The following TACR3 variants were observed in gnomAD, a reference collection of about 807,000 sequenced individuals.
TACR3 encodes the protein neuromedin-K receptor.
A neutral mutation model predicts 35.0 loss-of-function variants in TACR3; 34 were observed. The observed-to-expected ratio is 0.97, with a 90% CI of 0.74 to 1.30. TACR3 has a LOEUF of 1.30. Among genes scored for constraint, TACR3 ranks in the 50% most tolerant of loss-of-function variants. The pLI, the probability that TACR3 is intolerant of heterozygous loss-of-function variation, is 0.00. For missense variants in TACR3, 558 were observed against 591.7 expected, an observed-to-expected ratio of 0.94 and a Z score of 0.59; for synonymous variants, 233 against 221.1, an observed-to-expected ratio of 1.05 and a Z score of -0.48.
At chr4:103,686,709 T>C (rs965171359) in intron 1 of TACR3, among the ~76,000 whole-genome samples, 5 of 152,136 alleles carry the variant, frequency 3.3e-5, no homozygotes, top group Admixed American at 6.6e-5. Context: ...TCCTAGAAGT[T>C]GGACTTAGCA....
At chr4:103,591,770 C>T (rs1408842548) in intron 3 of TACR3, 87 bp from the exon 4 acceptor site, 10 of 1,223,086 alleles carry the variant, frequency 8.2e-6, no homozygotes, top group Non-Finnish European at 1.0e-5. Flanking sequence ...TCTGCCAATA[C>T]AGTTAAATAC....
intron 1 of TACR3, among the ~76,000 whole-genome samples, chr4:103,678,609 T>C (rs1351584572): frequency 6.6e-6 from 1 of 152,054 alleles, no homozygotes; most frequent in Non-Finnish European, 1.5e-5. Context: ...CAAATATGCA[T>C]TGAGTGCCAA....
intron 3 of TACR3, among the ~76,000 whole-genome samples, chr4:103,651,897 A>G (rs1238121251): frequency 2.0e-5 from 3 of 151,786 alleles, no homozygotes; most frequent in Non-Finnish European, 4.4e-5. Flanking sequence ...TGCACCTAGA[A>G]CCTGGAAAGG....
Position 103,602,866 on chromosome 4 carries a change from T to C in TACR3, c.889-11183A>G, listed in dbSNP as rs548700241. On this transcript the variant is annotated intron_variant, in intron 3 of 4. Coordinates refer to ENST00000304883, the MANE Select transcript of TACR3 (RefSeq NM_001059.3). ...GCCACTTAAGGAGGCAGTCTGCCCATTCTCAGATCTCAAGCTGCATGCTGG... is the reference window on the plus strand; with the variant it reads ...GCCACTTAAGGAGGCAGTCTGCCCACTCTCAGATCTCAAGCTGCATGCTGG... 1.3e-4 allele frequency among the ~76,000 whole-genome samples: 20 copies of C among 152,322 alleles called. 1 individual carries two copies. The highest frequency in any genetic ancestry group is 4.8e-4 in the African/African-American group (20 of 41,580).
chr4:103,708,024 C>T (rs1406540254), intron 1 of TACR3, among the ~76,000 whole-genome samples: 1 of 152,160 alleles, frequency 6.6e-6, no homozygotes, highest in Non-Finnish European at 1.5e-5. Context: ...TGGGTGGAGC[C>T]CACTGCAGCT....
At chr4:103,714,370 G>A (rs949031482) in intron 1 of TACR3, among the ~76,000 whole-genome samples, 37 of 151,924 alleles carry the variant, frequency 2.4e-4, no homozygotes, top group Non-Finnish European at 2.2e-4. Context: ...TTCACTATAC[G>A]CTCACAATTT....
At chr4:103,675,094 T>A (rs1009872871) in intron 1 of TACR3, among the ~76,000 whole-genome samples, 1 of 152,208 alleles carries the variant, frequency 6.6e-6, no homozygotes. Context: ...ACATAAGAGT[T>A]ATTCTAAAAT....
rs79592192 is a variant in TACR3 at position 103,692,222 on chromosome 4, C to T, written c.548+26906G>A. On this transcript the variant is annotated intron_variant, in intron 1 of 4. Coordinates refer to ENST00000304883, the MANE Select transcript of TACR3 (RefSeq NM_001059.3). The stretch of plus-strand genomic sequence containing the variant: ...GACATTCTTGATTTTAAAATGTTTA[C>T]GTAAAAAGGTTTACCATGTAAACAC... Among the ~76,000 whole-genome samples, 1,260 of 151,926 alleles carry T rather than the reference C, an allele frequency of 8.3e-3. 20 individuals are homozygous for T. Among genetic ancestry groups the T allele is most frequent in the African/African-American group, 0.029 (1,183 of 41,398 alleles).
intron 1 of TACR3, among the ~76,000 whole-genome samples, chr4:103,688,552 GAAAA>G (rs1248981893): frequency 6.7e-6 from 1 of 149,634 alleles, no homozygotes; most frequent in Non-Finnish European, 1.5e-5. Context: ...AAATTTACAA[GAAAA>G]AAACAAACAA....
At chr4:103,637,883 G>C (rs1725233338) in intron 3 of TACR3, among the ~76,000 whole-genome samples, 1 of 152,066 alleles carries the variant, frequency 6.6e-6, no homozygotes, top group Non-Finnish European at 1.5e-5. Flanking sequence ...ACTTACCAGG[G>C]ATGTGAAGGA....
chr4:103,624,584 G>A (rs1345259684), intron 3 of TACR3: 4 of 152,044 alleles, frequency 2.6e-5, no homozygotes, highest in African/African-American at 9.7e-5. Flanking sequence ...TACAACTTAA[G>A]CAAAGTAGTA....
At chr4:103,641,123 T>C (rs923941714) in intron 3 of TACR3, among the ~76,000 whole-genome samples, 5 of 151,974 alleles carry the variant, frequency 3.3e-5, no homozygotes, top group Non-Finnish European at 7.4e-5. Context: ...TGCATGTGTA[T>C]ACCCAAGGTC....
rs1228169244 is a variant in TACR3, at chr4:103,589,565, TA to T, written c.*116del. 8 of 1,209,230 alleles carry T rather than the reference TA, an allele frequency of 6.6e-6. No homozygotes were observed. Among genetic ancestry groups the T allele is most frequent in the Non-Finnish European group, 3.6e-6 (3 of 840,296 alleles). 74.9% of individuals were successfully genotyped at this position (1,209,230 alleles called of 1,614,324 possible). A position where few individuals can be genotyped will look rare whatever the true frequency, so the allele number is the denominator to read the frequency against. On this transcript the variant is annotated 3_prime_UTR_variant, in exon 5 of 5. Transcript: ENST00000304883. ...CTTTCTCAATTTGACCATAGCTGCC[TA>T]AAAATTGCTTTCTGTTTCTAGAGGG...
chr4:103,713,678 A>G (rs1706870912), intron 1 of TACR3, among the ~76,000 whole-genome samples: 1 of 152,040 alleles, frequency 6.6e-6, no homozygotes, highest in East Asian at 1.9e-4. Flanking sequence ...AAAAAATAGG[A>G]GCTCTTCAAT....
intron 1 of TACR3, among the ~76,000 whole-genome samples, chr4:103,679,424 T>A (rs1252421758): frequency 6.6e-6 from 1 of 152,036 alleles, no homozygotes; most frequent in East Asian, 1.9e-4. Flanking sequence ...GATCATCATA[T>A]CTGATTCCTA....
chr4:103,671,682 C>A (rs552819296), intron 1 of TACR3, among the ~76,000 whole-genome samples: 139 of 152,038 alleles, frequency 9.1e-4, no homozygotes, highest in African/African-American at 3.1e-3. Flanking sequence ...TCTCTCCTTT[C>A]TTCTTTGGCT....
intron 3 of TACR3, among the ~76,000 whole-genome samples, chr4:103,632,500 G>T (rs535052494): frequency 6.0e-5 from 9 of 150,458 alleles, no homozygotes; most frequent in African/African-American, 2.2e-4. Context: ...AGAACACATG[G>T]ACACAGGAAG....
At chr4:103,701,470 C>G (rs996641377) in intron 1 of TACR3, among the ~76,000 whole-genome samples, 12 of 152,200 alleles carry the variant, frequency 7.9e-5, no homozygotes, top group African/African-American at 2.9e-4. Context: ...AATGGCCATA[C>G]TGCCCAAGGT....
intron 1 of TACR3, among the ~76,000 whole-genome samples, chr4:103,683,844 G>A (rs1296186290): frequency 1.3e-5 from 2 of 150,430 alleles, no homozygotes; most frequent in East Asian, 2.0e-4. Context: ...GAGAGAAGGA[G>A]AGAGAGAGAG....
Sources: allele counts gnomAD v4.1 joint callset (sites outside exome capture counted in the v4.1 genomes callset), GRCh38; gene constraint gnomAD v4.1.1; transcripts MANE v1.5; gene names NCBI Gene and HGNC (gene_info 2026-07-23, HGNC 2026-07-21).